Variants in KMT2C observed in about 807,000 individuals in gnomAD.
KMT2C encodes histone-lysine N-methyltransferase 2C.
In KMT2C, 88 loss-of-function variants were observed where a neutral mutation model predicts 507.9. That is an observed-to-expected ratio of 0.17 (90% CI 0.15 to 0.21). The LOEUF is 0.21. KMT2C is among the 10% of genes least tolerant of loss of function. The pLI is 1.00. For synonymous variants in KMT2C, 2,049 were observed against 2,080.8 expected (o/e 0.98, Z 0.42); for missense variants, 4,954 against 5,957.8 (o/e 0.83, Z 5.55).
chr7:152,414,058 A>C (rs1356263105), intron 1 of KMT2C, among the ~76,000 whole-genome samples: 1 of 150,082 alleles, frequency 6.7e-6, no homozygotes, highest in Non-Finnish European at 1.5e-5. Context: ...AAAAATACAA[A>C]ATTTAGCTGG....
At chr7:152,324,780 C>T (rs1189164817) in intron 3 of KMT2C, among the ~76,000 whole-genome samples, 1 of 151,876 alleles carries the variant, frequency 6.6e-6, no homozygotes, top group East Asian at 1.9e-4. Flanking sequence ...GCCTCACACA[C>T]GAGGCTAGTG....
At chr7:152,335,544 T>C (rs1274941415) in intron 2 of KMT2C, among the ~76,000 whole-genome samples, 1 of 152,208 alleles carries the variant, frequency 6.6e-6, no homozygotes. Context: ...TCCCAAGCTG[T>C]GCTCTCTCCA....
chr7:152,360,079 G>T (rs868702506), intron 1 of KMT2C, among the ~76,000 whole-genome samples: 3 of 70,938 alleles, frequency 4.2e-5, no homozygotes, highest in Non-Finnish European at 7.5e-5. Context: ...GGGGTGGGGG[G>T]GGGGGGACAA....
chr7:152,233,853 C>T (rs2095197514), intron 16 of KMT2C, among the ~76,000 whole-genome samples: 2 of 152,216 alleles, frequency 1.3e-5, no homozygotes, highest in Admixed American at 6.5e-5. Flanking sequence ...TTGTTAAAAA[C>T]TGTCCCACAG....
At chr7:152,395,985 T>A (rs1360003121) in intron 1 of KMT2C, among the ~76,000 whole-genome samples, 1 of 152,168 alleles carries the variant, frequency 6.6e-6, no homozygotes, top group Non-Finnish European at 1.5e-5. Flanking sequence ...CCCGCAACAA[T>A]CCTACAACCT....
At chr7:152,229,738 A>C (rs1201076157) in intron 18 of KMT2C, among the ~76,000 whole-genome samples, 185 bp downstream of exon 18, 2 of 152,170 alleles carry the variant, frequency 1.3e-5, no homozygotes, top group Admixed American at 6.5e-5. Flanking sequence ...GTACAATATA[A>C]GATTTATAGA....
chr7:152,367,087 T>C, intron 1 of KMT2C: 1 of 800,140 alleles, frequency 1.2e-6, no homozygotes, highest in Non-Finnish European at 2.1e-6. Context: ...TGTGCTGCAT[T>C]TTTATCCAGA....
At position 152,303,437 on chromosome 7, in the gene KMT2C, A is replaced by C. The variant is rs142199947; in HGVS notation, c.849+6529T>G. 4.1e-3 allele frequency among the ~76,000 whole-genome samples: 619 copies of C among 152,344 alleles called. 5 individuals carry two copies. Among genetic ancestry groups the C allele is most frequent in the African/African-American group, 0.014 (597 of 41,580 alleles). On this transcript the variant is annotated intron_variant, in intron 6 of 58. Coordinates refer to ENST00000262189, the MANE Select transcript of KMT2C (RefSeq NM_170606.3). ...CCAGTAGGACCTACCTCCTCATTCAAGCTAATGCACTAAATTTTGCCCTTC... is the reference window on the plus strand; with the variant it reads ...CCAGTAGGACCTACCTCCTCATTCACGCTAATGCACTAAATTTTGCCCTTC...
intron 2 of KMT2C, among the ~76,000 whole-genome samples, chr7:152,350,876 AAC>A (rs1184035973): frequency 2.0e-5 from 3 of 152,220 alleles, no homozygotes; most frequent in Non-Finnish European, 2.9e-5. Context: ...CACAGCTTAA[AAC>A]ACACACTGTA....
At chr7:152,180,503 T>C (rs563313966) in intron 36 of KMT2C, among the ~76,000 whole-genome samples, 77 of 152,328 alleles carry the variant, frequency 5.1e-4, no homozygotes, top group Middle Eastern at 3.4e-3. Flanking sequence ...AGGATTCCCC[T>C]GCGAATTCGT....
intron 6 of KMT2C, among the ~76,000 whole-genome samples, chr7:152,281,746 A>AC (rs984964332): frequency 7.2e-5 from 8 of 111,058 alleles, no homozygotes; most frequent in African/African-American, 2.1e-4. Context: ...ACAAAAACAA[A>AC]AAAAAAAAGA....
At chr7:152,414,405 G>A (rs1014757716) in intron 1 of KMT2C, among the ~76,000 whole-genome samples, 1 of 151,954 alleles carries the variant, frequency 6.6e-6, no homozygotes, top group Non-Finnish European at 1.5e-5. Context: ...GCGCATGCAT[G>A]TAATCCCAGC....
intron 26 of KMT2C, among the ~76,000 whole-genome samples, chr7:152,201,617 GA>G (rs745427209): frequency 0.086 from 1,934 of 22,468 alleles, 71 homozygotes; most frequent in Non-Finnish European, 0.16. Context: ...CAACAAAGAT[GA>G]AAAAAAAAAA....
Position 152,252,569 on chromosome 7 carries a change from C to T in KMT2C, c.1446G>A (p.Met482Ile), listed in dbSNP as rs774161146. Residue 482 changes from methionine to isoleucine, a missense_variant, in exon 10 of 59, where the codon ATG becomes ATA. Physicochemically the swap from Met to Ile is conservative, Grantham distance 10. Transcript: ENST00000262189. ...ACCTTTTGCACATATTACAATGAAG[C>T]ATGTCTTTCTGCAATTCTGGATGAT... Reference protein sequence around the residue: ...KCYHPELQKDMLHCNMCKRWV... With the variant: ...KCYHPELQKDILHCNMCKRWV... 6.2e-6 allele frequency: 10 copies of T among 1,613,030 alleles called. No individual in the cohort carries two copies. The highest frequency in any genetic ancestry group is 4.0e-5 in the African/African-American group (3 of 74,890).
intron 49 of KMT2C, 112 bp downstream of exon 49, chr7:152,152,593 T>C (rs2129097200): frequency 2.3e-6 from 3 of 1,308,230 alleles, no homozygotes; most frequent in South Asian, 2.7e-5. Flanking sequence ...CCAAGGACTA[T>C]ACGCCAGCAT....
intron 34 of KMT2C, among the ~76,000 whole-genome samples, chr7:152,183,979 G>T (rs2093527459): frequency 6.6e-6 from 1 of 151,648 alleles, no homozygotes; most frequent in South Asian, 2.1e-4. Flanking sequence ...GGCTGGGGCA[G>T]GAGAATCGCT....
chr7:152,417,806 T>G (rs1017024625), intron 1 of KMT2C, among the ~76,000 whole-genome samples: 1 of 151,944 alleles, frequency 6.6e-6, no homozygotes, highest in African/African-American at 2.4e-5. Flanking sequence ...CACACCCAGC[T>G]AATTTTTTGT....
At chr7:152,265,951 A>G (rs2095851706) in intron 7 of KMT2C, among the ~76,000 whole-genome samples, 2 of 152,300 alleles carry the variant, frequency 1.3e-5, no homozygotes, top group African/African-American at 4.8e-5. Context: ...AACAGAAAAT[A>G]TAAGGATAAA....
rs116949488 is a variant in KMT2C, at chr7:152,235,140, G to C, written c.2769+677C>G. Among the ~76,000 whole-genome samples the C allele has an allele frequency of 9.9e-5, 15 of 151,628 alleles. No homozygotes were observed. The East Asian group carries it at 2.5e-3, about 26-fold the overall frequency. ...CAGGGGGAATGCAGAAAATTACAGAGGGGCATGAAGAAGCTTTGGGAGATG... is the reference window on the plus strand; with the variant it reads ...CAGGGGGAATGCAGAAAATTACAGACGGGCATGAAGAAGCTTTGGGAGATG... On this transcript the variant is annotated intron_variant, in intron 16 of 58. Coordinates refer to ENST00000262189, the MANE Select transcript of KMT2C (RefSeq NM_170606.3).
Sources: gnomAD v4.1 joint callset for allele counts (sites outside exome capture counted in the v4.1 genomes callset) on GRCh38, gnomAD v4.1.1 for gene constraint, MANE v1.5 for transcripts, NCBI Gene and HGNC (gene_info 2026-07-23, HGNC 2026-07-21) for gene names.